RPP30: variants seen among roughly 807,000 people sequenced by gnomAD.
RPP30 encodes the protein ribonuclease P protein subunit p30.
RPP30 carries 36 observed loss-of-function variants against 38.6 expected under a neutral mutation model. The observed-to-expected ratio is 0.93, with a 90% CI of 0.71 to 1.23. The LOEUF (loss-of-function observed/expected upper bound fraction) is 1.23. Ranked by LOEUF, RPP30 falls within the 50% of genes most tolerant of loss-of-function variation. The pLI, the probability that RPP30 is intolerant of heterozygous loss-of-function variation, is 0.00. For synonymous variants in RPP30, 126 were observed against 112.7 expected (o/e 1.12, Z -0.75); for missense variants, 321 against 321.7 (o/e 1.00, Z 0.02).
intron 5 of RPP30, 73 bp from the exon 6 acceptor site, chr10:90,885,739 G>A: frequency 1.1e-6 from 1 of 885,178 alleles, no homozygotes; most frequent in Non-Finnish European, 1.9e-6. Context: ...TTTATATCGA[G>A]TTTGACCCTA....
chr10:90,888,960 C>T (rs988748845), intron 6 of RPP30, among the ~76,000 whole-genome samples: 2 of 152,098 alleles, frequency 1.3e-5, no homozygotes, highest in African/African-American at 4.8e-5. Context: ...TTTTAGTCTT[C>T]ATCTAGTAGA....
intron 1 of RPP30, among the ~76,000 whole-genome samples, chr10:90,872,642 T>A (rs1230037502): frequency 6.6e-6 from 1 of 152,208 alleles, no homozygotes; most frequent in Non-Finnish European, 1.5e-5. Context: ...GAACCTGTTT[T>A]AACTATTGGA....
chr10:90,904,353 A>C (rs1336633909), downstream of RPP30, among the ~76,000 whole-genome samples: 1 of 152,190 alleles, frequency 6.6e-6, no homozygotes, highest in African/African-American at 2.4e-5. Context: ...AACTAAATGC[A>C]TTTAAAGCCC....
intron 10 of RPP30, among the ~76,000 whole-genome samples, chr10:90,899,291 A>G (rs1847176014): frequency 6.6e-6 from 1 of 152,234 alleles, no homozygotes; most frequent in Admixed American, 6.5e-5. Context: ...GAGCAGTTTT[A>G]TCCCTTTTAC....
In RPP30 at chr10:90,875,716, T is replaced by G. The variant is rs1846842933; in HGVS notation, c.195+102T>G. ...AGCTTGAGCTGCACCTTACTCTGAG[T>G]ACCAGTCTTAACGTTTTCCTCAAGG... On this transcript the variant is annotated intron_variant, in intron 3 of 10. Transcript: ENST00000371703. 5.1e-6 allele frequency: 5 copies of G among 972,950 alleles called. 1 individual carries two copies. The East Asian group carries it at 1.2e-4, about 23-fold the overall frequency. 60.3% of individuals were successfully genotyped at this position (972,950 alleles called of 1,614,324 possible).
chr10:90,886,184 T>C (rs1846997976), intron 6 of RPP30, among the ~76,000 whole-genome samples: 1 of 152,080 alleles, frequency 6.6e-6, no homozygotes, highest in Admixed American at 6.6e-5. Context: ...TGGGTACTTA[T>C]AACCTGAACA....
chr10:90,883,926 AC>A (rs1846964447), intron 5 of RPP30, among the ~76,000 whole-genome samples: 1 of 152,118 alleles, frequency 6.6e-6, no homozygotes, highest in African/African-American at 2.4e-5. Flanking sequence ...AATATTATTT[AC>A]CTCGTCTTTT....
chr10:90,874,644 T>C (rs541788433), intron 1 of RPP30, among the ~76,000 whole-genome samples: 1 of 152,342 alleles, frequency 6.6e-6, no homozygotes, highest in South Asian at 2.1e-4. Context: ...AAGAAAGTGT[T>C]GTTATTTTCA....
intron 4 of RPP30, among the ~76,000 whole-genome samples, chr10:90,877,196 C>T (rs1846864084): frequency 6.6e-6 from 1 of 151,976 alleles, no homozygotes; most frequent in Non-Finnish European, 1.5e-5. Context: ...CCTGTAATCC[C>T]AGCTACTCAA....
At chr10:90,878,642 C>T (rs1846883462) in intron 4 of RPP30, among the ~76,000 whole-genome samples, 1 of 152,014 alleles carries the variant, frequency 6.6e-6, no homozygotes, top group Admixed American at 6.6e-5. Context: ...TATGTGTGTA[C>T]CACCACACCC....
Position 90,872,076 on chromosome 10 carries a change from G to T in RPP30, c.82+8G>T. The T allele has an allele frequency of 6.2e-7, 1 of 1,613,658 alleles. No individual in the cohort carries two copies. The highest frequency in any genetic ancestry group is 1.7e-4 in the Middle Eastern group (1 of 6,058). ...TGGAGACAGCCGCTCACCGTGAGTT[G>T]CCCCGGCTTCGCGCCTGGCCAACCT... On this transcript the variant is annotated splice_region_variant and intron_variant, in intron 1 of 10. Coordinates refer to ENST00000371703, the MANE Select transcript of RPP30 (RefSeq NM_006413.5).
rs772376915 is a variant in RPP30 at position 90,896,374 on chromosome 10, G to A, written c.679G>A (p.Ala227Thr). Residue 227 changes from alanine (A) to threonine (T), a missense_variant, in exon 10 of 11, where the codon GCA (alanine) becomes ACA (threonine). By Grantham distance (58) the Ala-to-Thr change is moderately conservative. Transcript: ENST00000371703. ...AKAAVSTNCR[A>T]ALLHGETRKT... ...GGCTGCGGTGTCCACCAACTGCCGAGCAGCGCTTCTCCATGGAGGTAAGCA... is the reference window on the plus strand; with the variant it reads ...GGCTGCGGTGTCCACCAACTGCCGAACAGCGCTTCTCCATGGAGGTAAGCA... The A allele has an allele frequency of 4.3e-6, 7 of 1,613,904 alleles. No homozygotes were observed. The Admixed American group carries it at 1.2e-4, about 27-fold the overall frequency.
intron 6 of RPP30, among the ~76,000 whole-genome samples, chr10:90,886,949 G>T (rs1847008005): frequency 6.6e-6 from 1 of 152,110 alleles, no homozygotes; most frequent in Non-Finnish European, 1.5e-5. Flanking sequence ...AAAATTCAGT[G>T]TGGCAAAAAT....
downstream of RPP30, among the ~76,000 whole-genome samples, chr10:90,908,027 ACTGTAC>A (rs1186798076): frequency 1.3e-5 from 2 of 152,206 alleles, no homozygotes; most frequent in Non-Finnish European, 2.9e-5. Context: ...ACGACATGTC[ACTGTAC>A]TGAATACTGT....
downstream of RPP30, chr10:90,905,346 T>C (rs1214372161): frequency 6.6e-6 from 1 of 152,202 alleles, no homozygotes; most frequent in Non-Finnish European, 1.5e-5. Context: ...TGAAGATACC[T>C]GGGAAGTTTT....
At position 90,901,218 on chromosome 10, in the gene RPP30, A is replaced by G. The variant is rs913447814; in HGVS notation, c.*539A>G. The G allele has an allele frequency of 1.5e-6, 1 of 680,818 alleles. No individual in the cohort carries two copies. Among genetic ancestry groups the G allele is most frequent in the Non-Finnish European group, 1.8e-6 (1 of 556,140 alleles). 42.2% of individuals were successfully genotyped at this position (680,818 alleles called of 1,614,324 possible). A position where few individuals can be genotyped will look rare whatever the true frequency, so the allele number is the denominator to read the frequency against. ...CTGAGGCTGGTCTCAAACTCCTAGGATCAAGCCATCCTCCCGCTTTGGCCT... is the reference window on the plus strand; with the variant it reads ...CTGAGGCTGGTCTCAAACTCCTAGGGTCAAGCCATCCTCCCGCTTTGGCCT... On this transcript the variant is annotated 3_prime_UTR_variant, in exon 11 of 11. Coordinates refer to ENST00000371703, the MANE Select transcript of RPP30 (RefSeq NM_006413.5).
chr10:90,881,908 A>T (rs980519988), intron 5 of RPP30, among the ~76,000 whole-genome samples: 19 of 152,196 alleles, frequency 1.2e-4, no homozygotes, highest in Admixed American at 1.2e-3. Flanking sequence ...CAATAGTAGT[A>T]TAAAATCGAA....
Position 90,901,028 on chromosome 10 carries a change from G to A in RPP30, c.*349G>A. ...TAGGGTCTTTGTTGCTCAGGCTGGA[G>A]TACAGTGGCATAATCACAGCTCACT... On this transcript the variant is annotated 3_prime_UTR_variant, in exon 11 of 11. Coordinates refer to ENST00000371703, the MANE Select transcript of RPP30 (RefSeq NM_006413.5). 1.3e-6 allele frequency: 1 copy of A among 773,124 alleles called. No homozygotes were observed. Among genetic ancestry groups the A allele is most frequent in the Non-Finnish European group, 1.6e-6 (1 of 631,588 alleles). The allele number at this position is 773,124 out of a possible 1,614,324, so 47.9% of individuals were successfully genotyped here.
At chr10:90,904,705 G>A (rs548990493), downstream of RPP30, among the ~76,000 whole-genome samples, 14 of 152,190 alleles carry the variant, frequency 9.2e-5, no homozygotes, top group South Asian at 2.7e-3. Flanking sequence ...CCTGCTACTC[G>A]GGAGGCTGAG....
Sources: allele counts gnomAD v4.1 joint callset (sites outside exome capture counted in the v4.1 genomes callset), GRCh38; gene constraint gnomAD v4.1.1; transcripts MANE v1.5; gene names NCBI Gene and HGNC (gene_info 2026-07-23, HGNC 2026-07-21).